Variants in CRACR2A observed in about 807,000 individuals in gnomAD.
CRACR2A encodes the protein EF-hand calcium-binding domain-containing protein 4B.
CRACR2A carries 79 observed loss-of-function variants against 90.5 expected under a neutral mutation model. That is an observed-to-expected ratio of 0.87 (90% CI 0.73 to 1.05). The LOEUF is 1.05. Among genes scored for constraint, CRACR2A ranks in the 50% least tolerant of loss-of-function variants. The pLI, the probability that CRACR2A is intolerant of heterozygous loss-of-function variation, is 0.00. For missense variants in CRACR2A, 823 were observed against 897.2 expected, an observed-to-expected ratio of 0.92 and a Z score of 1.06; for synonymous variants, 338 against 356.7, an observed-to-expected ratio of 0.95 and a Z score of 0.59.
chr12:3,618,170 C>CA (rs60389598), intron 18 of CRACR2A, among the ~76,000 whole-genome samples: 11,509 of 128,286 alleles, frequency 0.09, 508 homozygotes, highest in Middle Eastern at 0.16. Context: ...TTTTCACTAA[C>CA]AAAAAAAAAA....
At chr12:3,659,473 T>A in intron 8 of CRACR2A, 91 bp downstream of exon 8, 1 of 1,093,444 alleles carries the variant, frequency 9.1e-7, no homozygotes, top group Non-Finnish European at 1.4e-6. Flanking sequence ...CAATAGTGCA[T>A]GGATGGGGGC....
intron 14 of CRACR2A, among the ~76,000 whole-genome samples, chr12:3,636,225 G>T (rs1944451968): frequency 6.6e-6 from 1 of 152,176 alleles, no homozygotes; most frequent in Admixed American, 6.5e-5. Flanking sequence ...TTACCAAATG[G>T]GTTTCCAGAA....
chr12:3,685,013 C>T (rs1243110587), intron 4 of CRACR2A, among the ~76,000 whole-genome samples: 1 of 152,254 alleles, frequency 6.6e-6, no homozygotes, highest in Non-Finnish European at 1.5e-5. Flanking sequence ...ACCATATTCA[C>T]CTGCCTACGG....
At chr12:3,741,504 T>C (rs1297495520) in intron 1 of CRACR2A, among the ~76,000 whole-genome samples, 4 of 152,282 alleles carry the variant, frequency 2.6e-5, no homozygotes, top group African/African-American at 9.6e-5. Flanking sequence ...TTTCTGTTCA[T>C]AAACGACTTT....
intron 7 of CRACR2A, among the ~76,000 whole-genome samples, chr12:3,660,008 C>A (rs971186655): frequency 6.6e-6 from 1 of 152,174 alleles, no homozygotes; most frequent in Non-Finnish European, 1.5e-5. Flanking sequence ...CAGGCCTCTG[C>A]CAGACGTATC....
intron 4 of CRACR2A, among the ~76,000 whole-genome samples, chr12:3,693,309 G>A (rs1026348524): frequency 6.6e-5 from 10 of 152,176 alleles, no homozygotes; most frequent in East Asian, 1.9e-4. Flanking sequence ...GGACACCTGC[G>A]GCTGCTCCAC....
At chr12:3,679,943 T>G in intron 5 of CRACR2A, among the ~76,000 whole-genome samples, 1 of 152,200 alleles carries the variant, frequency 6.6e-6, no homozygotes, top group Admixed American at 6.5e-5. Flanking sequence ...GCTCCCCCTT[T>G]TATGCTATGG....
intron 4 of CRACR2A, among the ~76,000 whole-genome samples, chr12:3,687,187 C>CT (rs79317818): frequency 1.7e-3 from 233 of 137,588 alleles, no homozygotes; most frequent in South Asian, 4.5e-3. Context: ...ATCCCATTTT[C>CT]TTTTTTTTTT....
chr12:3,704,832 T>C (rs1192171598), intron 3 of CRACR2A, among the ~76,000 whole-genome samples: 1 of 152,218 alleles, frequency 6.6e-6, no homozygotes, highest in African/African-American at 2.4e-5. Context: ...GCAGAGCCCC[T>C]TGTGAAGACC....
chr12:3,700,505 TTAAAAG>T (rs1376724108), intron 3 of CRACR2A, among the ~76,000 whole-genome samples: 1 of 152,170 alleles, frequency 6.6e-6, no homozygotes, highest in Non-Finnish European at 1.5e-5. Context: ...ACACAAACTG[TTAAAAG>T]TAAAAGGCTG....
chr12:3,738,514 T>C (rs1946480189), intron 1 of CRACR2A, among the ~76,000 whole-genome samples: 1 of 152,002 alleles, frequency 6.6e-6, no homozygotes, highest in Admixed American at 6.5e-5. Flanking sequence ...GTGGATAGAC[T>C]TAAGAGCAGA....
rs149805013 is a variant in CRACR2A at position 3,621,055 on chromosome 12, G to A, written c.1933-1683C>T. On this transcript the variant is annotated intron_variant, in intron 17 of 19. Coordinates refer to ENST00000440314, the MANE Select transcript of CRACR2A (RefSeq NM_001144958.2). Reference sequence around the variant, plus strand: ...AAGGGAAGAAAGGAGGAGGAAGCAGGGAAATGGGCCAAGCGGCTTGCTGTT... The same window carrying A: ...AAGGGAAGAAAGGAGGAGGAAGCAGAGAAATGGGCCAAGCGGCTTGCTGTT... Among the ~76,000 whole-genome samples the A allele has an allele frequency of 7.7e-3, 1,168 of 152,342 alleles. 8 individuals are homozygous for A. The highest frequency in any genetic ancestry group is 0.04 in the East Asian group (209 of 5,180).
At chr12:3,712,857 C>T (rs1256102169) in intron 3 of CRACR2A, among the ~76,000 whole-genome samples, 2 of 152,092 alleles carry the variant, frequency 1.3e-5, no homozygotes, top group East Asian at 3.9e-4. Context: ...GTGGAACTGG[C>T]TCTGTGAGTG....
chr12:3,666,731 G>A (rs571904168), intron 7 of CRACR2A, among the ~76,000 whole-genome samples: 2 of 152,342 alleles, frequency 1.3e-5, no homozygotes, highest in African/African-American at 4.8e-5. Flanking sequence ...TTCCTGCTGT[G>A]GAATACTGCT....
At chr12:3,697,317 T>C (rs1945759077) in intron 3 of CRACR2A, among the ~76,000 whole-genome samples, 1 of 152,160 alleles carries the variant, frequency 6.6e-6, no homozygotes, top group Admixed American at 6.5e-5. Context: ...AAAAATAATT[T>C]CTTCCCATTT....
At chr12:3,689,234 A>G (rs569398942) in intron 4 of CRACR2A, among the ~76,000 whole-genome samples, 1 of 152,274 alleles carries the variant, frequency 6.6e-6, no homozygotes, top group African/African-American at 2.4e-5. Context: ...AGTATGTTGA[A>G]TAGGAGTGGT....
chr12:3,697,154 T>A, intron 3 of CRACR2A, 119 bp from the exon 4 acceptor site: 1 of 1,232,800 alleles, frequency 8.1e-7, no homozygotes, highest in Non-Finnish European at 1.1e-6. Flanking sequence ...AGGAATCTCT[T>A]AGCAACTACC....
Position 3,624,986 on chromosome 12 carries a change from C to T in CRACR2A, c.1932+2450G>A, listed in dbSNP as rs376688029. Among the ~76,000 whole-genome samples, 15 of 125,200 alleles carry T rather than the reference C, an allele frequency of 1.2e-4. No individual in the cohort carries two copies. In the East Asian group the frequency reaches 2.5e-3, roughly 21 times the overall value. The allele number at this position is 125,200 out of a possible 152,430, so 82.1% of individuals were successfully genotyped here. On this transcript the variant is annotated intron_variant, in intron 17 of 19. Coordinates refer to ENST00000440314, the MANE Select transcript of CRACR2A (RefSeq NM_001144958.2). ...ACCACTCTGGGAGAGAAGGCCCTGG[C>T]CCCTGGCCTCTGTTCCCTTTAAAAG...
In CRACR2A at chr12:3,694,400, T is replaced by A. The variant is rs12422231; in HGVS notation, c.228+2372A>T. 8.5e-5 allele frequency among the ~76,000 whole-genome samples: 13 copies of A among 152,186 alleles called. No homozygotes were observed. In the South Asian group the frequency reaches 2.7e-3, roughly 32 times the overall value. On this transcript the variant is annotated intron_variant, in intron 4 of 19. Transcript: ENST00000440314. ...CTCTGCTGTCAAGGACCTTTCCTGC[T>A]TTCTGAATTTGTGTGTATATGAAAA...
Sources: allele counts gnomAD v4.1 joint callset (sites outside exome capture counted in the v4.1 genomes callset), GRCh38; gene constraint gnomAD v4.1.1; transcripts MANE v1.5; gene names NCBI Gene and HGNC (gene_info 2026-07-23, HGNC 2026-07-21).